PDE1C: variants seen among roughly 807,000 people sequenced by gnomAD.
The protein encoded by PDE1C is dual specificity calcium/calmodulin-dependent 3',5'-cyclic nucleotide phosphodiesterase 1C.
PDE1C carries 62 observed loss-of-function variants against 93.1 expected under a neutral mutation model. The ratio of observed to expected loss-of-function variants is 0.67; its 90% CI spans 0.54 to 0.82. The LOEUF is 0.82. Ranked by LOEUF, PDE1C falls within the 40% of genes least tolerant of loss-of-function variation. The pLI is 0.00. For missense variants in PDE1C, 742 were observed against 884.6 expected (o/e 0.84, Z 2.04); for synonymous variants, 325 against 310.1 (o/e 1.05, Z -0.50).
intron 2 of PDE1C, among the ~76,000 whole-genome samples, chr7:32,033,688 G>A (rs1790638438): frequency 1.3e-5 from 2 of 151,870 alleles, no homozygotes; most frequent in African/African-American, 2.4e-5. Context: ...CCTTTGACTT[G>A]ACCCACAGAC....
At chr7:32,083,684 G>C (rs1305847954) in intron 3 of PDE1C, among the ~76,000 whole-genome samples, 1 of 152,112 alleles carries the variant, frequency 6.6e-6, no homozygotes, top group African/African-American at 2.4e-5. Flanking sequence ...AGAAGAGAGT[G>C]GGGTCCAATA....
At chr7:31,829,060 G>A (rs1045579096) in intron 11 of PDE1C, among the ~76,000 whole-genome samples, 3 of 152,068 alleles carry the variant, frequency 2.0e-5, no homozygotes, top group Non-Finnish European at 4.4e-5. Flanking sequence ...AAAAACTTGG[G>A]CCAGAGGCTT....
chr7:32,363,141 G>A (rs1002821391), intron 1 of PDE1C, among the ~76,000 whole-genome samples: 3 of 152,166 alleles, frequency 2.0e-5, no homozygotes, highest in Non-Finnish European at 4.4e-5. Flanking sequence ...GTGAAAGGGG[G>A]CATCTTTATT....
At chr7:32,016,542 T>C (rs1424947338) in intron 2 of PDE1C, among the ~76,000 whole-genome samples, 1 of 152,190 alleles carries the variant, frequency 6.6e-6, no homozygotes, top group East Asian at 1.9e-4. Context: ...AGAATATAAA[T>C]AGAAGTATGT....
upstream of PDE1C, among the ~76,000 whole-genome samples, chr7:32,074,819 G>A (rs11977812): frequency 0.2 from 29,965 of 152,118 alleles, 3,587 homozygotes; most frequent in East Asian, 0.49. Context: ...ACATGGTAAC[G>A]GGTAGGGTGT....
chr7:31,995,513 T>C (rs984801228), intron 2 of PDE1C, among the ~76,000 whole-genome samples: 1 of 152,220 alleles, frequency 6.6e-6, no homozygotes, highest in Non-Finnish European at 1.5e-5. Context: ...TAAAATTATG[T>C]TTAAAATTAC....
the PDE1C span, among the ~76,000 whole-genome samples, chr7:31,664,752 A>T: frequency 5.3e-5 from 8 of 152,202 alleles, no homozygotes; most frequent in Admixed American, 4.6e-4. Flanking sequence ...GATCATGAGG[A>T]TATCCCTGAC....
At chr7:31,919,326 G>A (rs1387790956) in intron 2 of PDE1C, among the ~76,000 whole-genome samples, 1 of 152,110 alleles carries the variant, frequency 6.6e-6, no homozygotes. Context: ...CATAACTTTA[G>A]ACAAGTTACT....
intron 2 of PDE1C, among the ~76,000 whole-genome samples, chr7:31,923,693 G>C (rs1802945121): frequency 6.6e-6 from 1 of 152,144 alleles, no homozygotes; most frequent in African/African-American, 2.4e-5. Flanking sequence ...AGTGAGATTT[G>C]GGTTGTGCAC....
intron 13 of PDE1C, 124 bp downstream of exon 13, chr7:31,824,743 T>G (rs958071735): frequency 1.2e-5 from 15 of 1,263,786 alleles, no homozygotes; most frequent in African/African-American, 7.5e-5. Context: ...GGCAGACAAA[T>G]TTTTCTGAGA....
At chr7:31,918,485 T>C (rs540613224) in intron 2 of PDE1C, among the ~76,000 whole-genome samples, 11 of 152,282 alleles carry the variant, frequency 7.2e-5, no homozygotes, top group African/African-American at 2.6e-4. Flanking sequence ...GCTGTGCACG[T>C]TGAGGAGGTG....
chr7:32,058,597 C>T (rs989432240), intron 1 of PDE1C, among the ~76,000 whole-genome samples: 11 of 152,176 alleles, frequency 7.2e-5, no homozygotes, highest in East Asian at 1.9e-4. Context: ...AATTAATCTA[C>T]GCGCTACTGA....
At chr7:32,109,558 G>T (rs1465356695) in intron 3 of PDE1C, among the ~76,000 whole-genome samples, 1 of 152,156 alleles carries the variant, frequency 6.6e-6, no homozygotes, top group Non-Finnish European at 1.5e-5. Flanking sequence ...ATAGGTGCCA[G>T]TAGTAACTCC....
At chr7:31,893,318 C>T (rs1222472282) in intron 2 of PDE1C, among the ~76,000 whole-genome samples, 1 of 152,062 alleles carries the variant, frequency 6.6e-6, no homozygotes, top group Non-Finnish European at 1.5e-5. Flanking sequence ...TTTGTAATAG[C>T]TTTGGGGTGG....
At chr7:31,707,383 T>C in the PDE1C span, 2 of 1,044,782 alleles carry the variant, frequency 1.9e-6, no homozygotes, top group South Asian at 1.7e-5. Context: ...TTTGTCATCG[T>C]CTGACTTGAA....
At chr7:32,125,740 G>T (rs1799540234) in intron 3 of PDE1C, among the ~76,000 whole-genome samples, 1 of 151,638 alleles carries the variant, frequency 6.6e-6, no homozygotes, top group Non-Finnish European at 1.5e-5. Context: ...CGAGGGGAGG[G>T]AACTTAGAGG....
intron 2 of PDE1C, among the ~76,000 whole-genome samples, chr7:31,970,849 T>C (rs1287757138): frequency 1.3e-5 from 2 of 152,182 alleles, no homozygotes; most frequent in African/African-American, 2.4e-5. Context: ...AAGAGAGAGA[T>C]GACAGAAAGA....
In PDE1C at chr7:32,104,747, G is replaced by A. The variant is rs546077094; in HGVS notation, c.308+65038C>T. The stretch of plus-strand genomic sequence containing the variant: ...TGTCTAAACTAAAGAAAGCAATAAC[G>A]GTGCTACACGCATGTATTATTTTGA... On this transcript the variant is annotated intron_variant, in intron 3 of 18. Coordinates refer to the PDE1C transcript ENST00000396193. 7.1e-4 allele frequency among the ~76,000 whole-genome samples: 108 copies of A among 152,148 alleles called. 2 individuals carry two copies. The highest frequency in any genetic ancestry group is 1.7e-3 in the South Asian group (8 of 4,820).
intron 1 of PDE1C, among the ~76,000 whole-genome samples, chr7:32,278,770 C>T (rs149988085): frequency 3.9e-5 from 6 of 152,312 alleles, no homozygotes; most frequent in Non-Finnish European, 7.4e-5. Context: ...GATACACAAG[C>T]TCTTAAGACA....
Sources: gnomAD v4.1 joint callset for allele counts (sites outside exome capture counted in the v4.1 genomes callset) on GRCh38, gnomAD v4.1.1 for gene constraint, MANE v1.5 for transcripts, NCBI Gene and HGNC (gene_info 2026-07-23, HGNC 2026-07-21) for gene names.